The following EPB41L3 variants were observed in gnomAD, a reference collection of about 807,000 sequenced individuals.
The protein encoded by EPB41L3 is band 4.1-like protein 3.
A neutral mutation model predicts 127.1 loss-of-function variants in EPB41L3; 57 were observed. The ratio of observed to expected loss-of-function variants is 0.45; its 90% CI spans 0.36 to 0.56. EPB41L3 has a LOEUF of 0.56. Ranked by LOEUF, EPB41L3 falls within the 20% of genes least tolerant of loss-of-function variation. The probability of loss-of-function intolerance (pLI) is 0.00; values close to 1 mark genes in which losing one functional copy is unlikely to be tolerated. For missense variants in EPB41L3, 1,273 were observed against 1,372.2 expected (o/e 0.93, Z 1.14); for synonymous variants, 572 against 549.5 (o/e 1.04, Z -0.57).
chr18:5,613,690 A>C (rs987208017), intron 2 of EPB41L3, among the ~76,000 whole-genome samples: 1 of 152,172 alleles, frequency 6.6e-6, no homozygotes, highest in Non-Finnish European at 1.5e-5. Context: ...TACAAGCTAC[A>C]TGATGTGTGA....
At chr18:5,395,733 T>A in intron 19 of EPB41L3, 26 bp from the exon 20 acceptor site, 1 of 1,582,864 alleles carries the variant, frequency 6.3e-7, no homozygotes, top group Non-Finnish European at 8.7e-7. Flanking sequence ...CATAGACCCC[T>A]CATCCAGGTG....
At chr18:5,491,047 G>C (rs1231433847) in intron 1 of EPB41L3, among the ~76,000 whole-genome samples, 1 of 152,204 alleles carries the variant, frequency 6.6e-6, no homozygotes, top group Non-Finnish European at 1.5e-5. Flanking sequence ...AGATCTAGCA[G>C]GTGCCTCTGC....
chr18:5,562,832 C>A (rs1219631802), intron 3 of EPB41L3, among the ~76,000 whole-genome samples: 1 of 152,214 alleles, frequency 6.6e-6, no homozygotes, highest in East Asian at 1.9e-4. Flanking sequence ...GTATTCCCAT[C>A]CAGCCTTCTT....
At chr18:5,594,728 C>T (rs2094520421) in intron 3 of EPB41L3, among the ~76,000 whole-genome samples, 1 of 152,160 alleles carries the variant, frequency 6.6e-6, no homozygotes, top group East Asian at 1.9e-4. Flanking sequence ...GTACTGAAGC[C>T]TTAATCTAGT....
chr18:5,448,104 T>C (rs771868281), intron 3 of EPB41L3, among the ~76,000 whole-genome samples: 36 of 152,204 alleles, frequency 2.4e-4, no homozygotes, highest in Admixed American at 1.3e-4. Flanking sequence ...TTTCTCATCC[T>C]TGAGTGGGGA....
intron 3 of EPB41L3, among the ~76,000 whole-genome samples, chr18:5,610,775 A>C (rs1225947588): frequency 6.6e-6 from 1 of 152,232 alleles, no homozygotes; most frequent in Admixed American, 6.5e-5. Flanking sequence ...CATTCTTCAA[A>C]GAAGATACCA....
At chr18:5,446,602 A>G (rs747423266) in intron 3 of EPB41L3, among the ~76,000 whole-genome samples, 7 of 152,254 alleles carry the variant, frequency 4.6e-5, no homozygotes, top group Non-Finnish European at 7.3e-5. Flanking sequence ...TAAGCATTCA[A>G]AAGACCTGTG....
intron 8 of EPB41L3, among the ~76,000 whole-genome samples, chr18:5,430,226 A>T (rs2078803807): frequency 6.6e-6 from 1 of 152,160 alleles, no homozygotes; most frequent in African/African-American, 2.4e-5. Context: ...TGTGTCCCCA[A>T]ATCAAACTGT....
chr18:5,414,652 G>T (rs1225042522), intron 13 of EPB41L3, among the ~76,000 whole-genome samples: 1 of 152,126 alleles, frequency 6.6e-6, no homozygotes, highest in African/African-American at 2.4e-5. Flanking sequence ...TTGTTCTGTG[G>T]GAACAGGAGG....
intron 3 of EPB41L3, among the ~76,000 whole-genome samples, chr18:5,576,503 T>C (rs1185217639): frequency 6.6e-6 from 1 of 152,202 alleles, no homozygotes; most frequent in African/African-American, 2.4e-5. Flanking sequence ...AAGAGCCTAA[T>C]GAAATACCTC....
chr18:5,428,295 A>C lies in EPB41L3; in HGVS notation c.1065+18T>G. 1 of 1,613,518 alleles carries C rather than the reference A, an allele frequency of 6.2e-7. No homozygotes were observed. The highest frequency in any genetic ancestry group is 8.5e-7 in the Non-Finnish European group (1 of 1,179,454). On this transcript the variant is annotated intron_variant, in intron 9 of 22. Transcript: ENST00000341928. ...GGATCTTTCCTCCCAACGCACAGGCAAATGTGGGTATACTTACCTCTCCCG... is the reference window on the plus strand; with the variant it reads ...GGATCTTTCCTCCCAACGCACAGGCCAATGTGGGTATACTTACCTCTCCCG...
intron 3 of EPB41L3, among the ~76,000 whole-genome samples, chr18:5,553,459 GC>G (rs527322312): frequency 2.1e-4 from 32 of 152,206 alleles, no homozygotes; most frequent in African/African-American, 7.7e-4. Context: ...ATGCTAAACT[GC>G]CCCTACACAA....
intron 3 of EPB41L3, among the ~76,000 whole-genome samples, chr18:5,557,487 C>T (rs2094055889): frequency 6.6e-6 from 1 of 152,164 alleles, no homozygotes; most frequent in South Asian, 2.1e-4. Context: ...CAGGCTCAAG[C>T]AATTCTCCCA....
At chr18:5,517,688 T>G (rs2092805968) in intron 1 of EPB41L3, among the ~76,000 whole-genome samples, 1 of 152,118 alleles carries the variant, frequency 6.6e-6, no homozygotes, top group African/African-American at 2.4e-5. Flanking sequence ...TCTTCCTCCC[T>G]CGACCTCCCA....
At chr18:5,425,949 T>C (rs1238079919) in intron 9 of EPB41L3, among the ~76,000 whole-genome samples, 2 of 152,210 alleles carry the variant, frequency 1.3e-5, no homozygotes, top group African/African-American at 4.8e-5. Flanking sequence ...AACACACTTT[T>C]GTTAGTCCAC....
chr18:5,588,813 A>C (rs77849435), intron 3 of EPB41L3, among the ~76,000 whole-genome samples: 1,961 of 152,250 alleles, frequency 0.013, 44 homozygotes, highest in African/African-American at 0.045. Context: ...ATGAGTTGAA[A>C]AAAGCAATTG....
chr18:5,416,538 G>C (rs1171286269), intron 12 of EPB41L3, among the ~76,000 whole-genome samples, 160 bp from the exon 13 acceptor site: 1 of 152,202 alleles, frequency 6.6e-6, no homozygotes, highest in Non-Finnish European at 1.5e-5. Flanking sequence ...AAGTATTCAA[G>C]CTGCATGCCA....
At chr18:5,475,302 G>A (rs925163613) in intron 3 of EPB41L3, among the ~76,000 whole-genome samples, 6 of 152,148 alleles carry the variant, frequency 3.9e-5, no homozygotes, top group South Asian at 4.1e-4. Flanking sequence ...AATGCCTTTC[G>A]AGGCAAGTAT....
chr18:5,462,637 G>A (rs2147157912), intron 3 of EPB41L3, among the ~76,000 whole-genome samples: 1 of 152,182 alleles, frequency 6.6e-6, no homozygotes, highest in East Asian at 1.9e-4. Flanking sequence ...AGAACCCGAG[G>A]GTGGGGGATT....
Sources: allele counts gnomAD v4.1 joint callset (sites outside exome capture counted in the v4.1 genomes callset), GRCh38; gene constraint gnomAD v4.1.1; transcripts MANE v1.5; gene names NCBI Gene and HGNC (gene_info 2026-07-23, HGNC 2026-07-21).